The following PCDHGA11 variants were observed in gnomAD, a reference collection of about 807,000 sequenced individuals.
The protein encoded by PCDHGA11 is protocadherin gamma-A11.
Under a neutral mutation model 60.4 loss-of-function variants are expected in PCDHGA11, and 39 were observed. That is an observed-to-expected ratio of 0.65 (90% CI 0.50 to 0.84). The LOEUF is 0.84. Among genes scored for constraint, PCDHGA11 ranks in the 40% least tolerant of loss-of-function variants. The probability of loss-of-function intolerance (pLI) is 0.00; values close to 1 mark genes in which losing one functional copy is unlikely to be tolerated. For missense variants in PCDHGA11, 1,165 were observed against 1,197.7 expected (o/e 0.97, Z 0.40); for synonymous variants, 533 against 510.3 (o/e 1.04, Z -0.60).
At chr5:141,494,355 G>T (rs910437011) in intron 1 of PCDHGA11, among the ~76,000 whole-genome samples, 4 of 152,234 alleles carry the variant, frequency 2.6e-5, no homozygotes, top group African/African-American at 9.6e-5. Flanking sequence ...CCATCTTGCT[G>T]CAGAGGATGC....
At position 141,490,521 on chromosome 5, in the gene PCDHGA11, C is replaced by T. The variant is rs146064810; in HGVS notation, c.2434-4286C>T. The stretch of plus-strand genomic sequence containing the variant: ...ACTATATCATCGAGCTGCTGGCCAG[C>T]GATGCTGGTTCACCTTCCCTACACA... On this transcript the variant is annotated intron_variant, in intron 1 of 3. Coordinates refer to ENST00000398587, the MANE Select transcript of PCDHGA11 (RefSeq NM_018914.3). This position sits in a 1 kb window ranked among gnomAD's most constrained non-coding sequence, Gnocchi z 5.4. The T allele has an allele frequency of 1.0e-4, 166 of 1,614,058 alleles. No individual in the cohort carries two copies. In the African/African-American group the frequency reaches 1.7e-3, roughly 16 times the overall value.
chr5:141,511,028 T>C lies in PCDHGA11; in HGVS notation c.2663T>C (p.Leu888Pro). ...GCCCGCTACGGACCCCAGTTCACCC[T>C]GCAGCACGTGCCCGACTACCGCCAG... ...LSARYGPQFTLQHVPDYRQNV... is the reference protein window; with the variant it reads ...LSARYGPQFTPQHVPDYRQNV... The change falls in exon 4 of 4, where the codon CTG becomes CCG. Residue 888 changes from leucine (L) to proline (P), a missense_variant. Leu to Pro is a moderately conservative substitution (Grantham distance 98, BLOSUM62 -3). Transcript: ENST00000398587. 1 of 1,614,202 alleles carries C rather than the reference T, an allele frequency of 6.2e-7. No homozygotes were observed. Among genetic ancestry groups the C allele is most frequent in the Non-Finnish European group, 8.5e-7 (1 of 1,180,028 alleles).
intron 1 of PCDHGA11, among the ~76,000 whole-genome samples, chr5:141,463,489 C>T (rs1190438683): frequency 7.2e-6 from 1 of 138,270 alleles, no homozygotes; most frequent in African/African-American, 2.8e-5. Context: ...CGCTCTGTCA[C>T]CCAGGCTGGA....
At chr5:141,510,816 A>G (rs1478938067) in intron 3 of PCDHGA11, 131 bp from the exon 4 acceptor site, 2 of 1,547,282 alleles carry the variant, frequency 1.3e-6, no homozygotes, top group Non-Finnish European at 1.8e-6. Context: ...GGTGACCCCT[A>G]TATTCCCAGT....
intron 1 of PCDHGA11, chr5:141,427,842 C>T: frequency 6.5e-7 from 1 of 1,549,268 alleles, no homozygotes. Flanking sequence ...TGCCTTCGAC[C>T]ACGAGCAGCT....
At chr5:141,492,256 A>G (rs1323720621) in intron 1 of PCDHGA11, among the ~76,000 whole-genome samples, 1 of 151,974 alleles carries the variant, frequency 6.6e-6, no homozygotes, top group Non-Finnish European at 1.5e-5. Context: ...CGGCCCACAC[A>G]AGTTGCACGG....
rs776015544 is a variant in PCDHGA11, at chr5:141,485,125, G to C, written c.2434-9682G>C. The C allele has an allele frequency of 7.1e-7, 1 of 1,412,278 alleles. No homozygotes were observed. Among genetic ancestry groups the C allele is most frequent in the Admixed American group, 1.7e-5 (1 of 57,660 alleles). 87.5% of individuals were successfully genotyped at this position (1,412,278 alleles called of 1,614,324 possible). On this transcript the variant is annotated intron_variant, in intron 1 of 3. Transcript: ENST00000398587. The surrounding 1 kb of genome is among the most constrained non-coding windows in gnomAD (Gnocchi z 5.7). The stretch of plus-strand genomic sequence containing the variant: ...CTGCTGTGGCTGTTTGGGGCGGGTC[G>C]GCTTCATCCGCGTCTCAGGAGCAAG...
chr5:141,491,479 C>T lies in PCDHGA11; in HGVS notation c.2434-3328C>T. On this transcript the variant is annotated intron_variant, in intron 1 of 3. Transcript: ENST00000398587. The surrounding 1 kb of genome is among the most constrained non-coding windows in gnomAD (Gnocchi z 6.9). ...CCCGGACTTCTATAAGCAGTCCAGCCCCAACCTGCAGGTGAGCTCGGACGG... is the reference window on the plus strand; with the variant it reads ...CCCGGACTTCTATAAGCAGTCCAGCTCCAACCTGCAGGTGAGCTCGGACGG... 1 of 1,614,144 alleles carries T rather than the reference C, an allele frequency of 6.2e-7. No homozygotes were observed. Among genetic ancestry groups the T allele is most frequent in the Non-Finnish European group, 8.5e-7 (1 of 1,180,024 alleles).
rs772195653 is a variant in PCDHGA11 at position 141,477,704 on chromosome 5, C to A, written c.2434-17103C>A. On this transcript the variant is annotated intron_variant, in intron 1 of 3. Transcript: ENST00000398587. The surrounding 1 kb of genome is among the most constrained non-coding windows in gnomAD (Gnocchi z 4.9). ...CTTAGTGCCCCTAGACTATGAGGAT[C>A]GGCGGGAATTTGAATTAACAGCTCA... The A allele has an allele frequency of 5.0e-6, 8 of 1,613,850 alleles. No individual in the cohort carries two copies. Among genetic ancestry groups the A allele is most frequent in the Non-Finnish European group, 5.9e-6 (7 of 1,180,046 alleles).
At position 141,422,847 on chromosome 5, in the gene PCDHGA11, C is replaced by T. The variant is rs1271794821; in HGVS notation, c.1620C>T (p.Asp540=). ...GAGTGATAGCACGTGACAGCGGGGA[C>T]CCGCCCCTCAGCAGCAACGTGTCGC... ...ELRVIARDSG[D]PPLSSNVSLS... is the part of the protein sequence containing the mutation. Residue 540 remains aspartate, a synonymous_variant, in exon 1 of 4, where the codon GAC becomes GAT. Transcript: ENST00000398587. 2 of 1,614,116 alleles carry T rather than the reference C, an allele frequency of 1.2e-6. No homozygotes were observed. The highest frequency in any genetic ancestry group is 1.7e-6 in the Non-Finnish European group (2 of 1,180,050).
At chr5:141,433,045 C>T (rs1183696623) in intron 1 of PCDHGA11, 1 of 1,614,196 alleles carries the variant, frequency 6.2e-7, no homozygotes, top group South Asian at 1.1e-5. Flanking sequence ...TCACCACGGA[C>T]TCGCGGAAGA....
At chr5:141,423,695 G>T in intron 1 of PCDHGA11, 35 bp downstream of exon 1, 1 of 1,338,020 alleles carries the variant, frequency 7.5e-7, no homozygotes, top group Non-Finnish European at 9.7e-7. Context: ...AATTGTTGGT[G>T]TCTTGGCACA....
intron 1 of PCDHGA11, chr5:141,428,087 G>A (rs2097108117): frequency 6.2e-7 from 1 of 1,609,106 alleles, no homozygotes; most frequent in Non-Finnish European, 8.5e-7. Context: ...ACAACGCTTG[G>A]CTGTCCTACC....
intron 1 of PCDHGA11, chr5:141,426,867 G>C (rs1436078091): frequency 2.2e-6 from 1 of 456,590 alleles, no homozygotes; most frequent in African/African-American, 2.0e-5. Flanking sequence ...ATTAGTGCTG[G>C]AGAAGCCCCT....
Position 141,423,382 on chromosome 5 carries a change from C to A in PCDHGA11, c.2155C>A (p.Arg719Ser), listed in dbSNP as rs1244632347. Reference sequence around the variant, plus strand: ...CGTGCTGCTGGCACTCAGGCTGTGGCGCTGGCATAAGTCACGCCTGCTGCA... The same window carrying A: ...CGTGCTGCTGGCACTCAGGCTGTGGAGCTGGCATAAGTCACGCCTGCTGCA... The part of the protein sequence containing the change: ...VIVLLALRLW[R>S]WHKSRLLQAS... Residue 719 changes from arginine (R) to serine (S), a missense_variant, in exon 1 of 4, where the codon CGC becomes AGC. Coordinates refer to ENST00000398587, the MANE Select transcript of PCDHGA11 (RefSeq NM_018914.3). 1 of 1,614,118 alleles carries A rather than the reference C, an allele frequency of 6.2e-7. No individual in the cohort carries two copies. Among genetic ancestry groups the A allele is most frequent in the Admixed American group, 1.7e-5 (1 of 60,030 alleles).
At position 141,477,744 on chromosome 5, in the gene PCDHGA11, G is replaced by A; in HGVS notation, c.2434-17063G>A. On this transcript the variant is annotated intron_variant, in intron 1 of 3. Coordinates refer to ENST00000398587, the MANE Select transcript of PCDHGA11 (RefSeq NM_018914.3). The surrounding 1 kb of genome is among the most constrained non-coding windows in gnomAD (Gnocchi z 4.9). Reference sequence around the variant, plus strand: ...TTAACAGCTCATATCAGCGATGGGGGCACCCCGGTCCTAGCCACCAACATC... The same window carrying A: ...TTAACAGCTCATATCAGCGATGGGGACACCCCGGTCCTAGCCACCAACATC... 6.2e-7 allele frequency: 1 copy of A among 1,613,778 alleles called. No homozygotes were observed. The highest frequency in any genetic ancestry group is 8.5e-7 in the Non-Finnish European group (1 of 1,180,028).
intron 1 of PCDHGA11, among the ~76,000 whole-genome samples, chr5:141,460,983 GTATATATATATA>G (rs59296681): frequency 7.3e-6 from 1 of 137,780 alleles, no homozygotes. Flanking sequence ...GTGTGTGTGT[GTATATATATATA>G]TGTGTATATA....
intron 2 of PCDHGA11, among the ~76,000 whole-genome samples, chr5:141,502,866 C>CTTTTTT (rs549047197): frequency 2.0e-4 from 26 of 128,026 alleles, no homozygotes; most frequent in African/African-American, 6.2e-4. Flanking sequence ...GACTCTCTGT[C>CTTTTTT]TTTTTTTTTT....
In PCDHGA11 at chr5:141,486,959, G is replaced by A. The variant is rs1161675143; in HGVS notation, c.2434-7848G>A. The A allele has an allele frequency of 1.9e-6, 3 of 1,614,098 alleles. No individual in the cohort carries two copies. In the African/African-American group the frequency reaches 4.0e-5, roughly 22 times the overall value. On this transcript the variant is annotated intron_variant, in intron 1 of 3. Transcript: ENST00000398587. The surrounding 1 kb of genome is among the most constrained non-coding windows in gnomAD (Gnocchi z 5.0). ...CCACCTAATCACAAAGGTGACTGCTGTGGACTTGGATTCAGGTTACAATGC... is the reference window on the plus strand; with the variant it reads ...CCACCTAATCACAAAGGTGACTGCTATGGACTTGGATTCAGGTTACAATGC...
Sources: allele counts gnomAD v4.1 joint callset (sites outside exome capture counted in the v4.1 genomes callset), GRCh38; gene constraint gnomAD v4.1.1; non-coding constraint Gnocchi (gnomAD v3.1); transcripts MANE v1.5; gene names NCBI Gene and HGNC (gene_info 2026-07-23, HGNC 2026-07-21).